Variants in FER1L6 observed in about 807,000 individuals in gnomAD.
FER1L6 encodes fer-1-like protein 6.
FER1L6 carries 177 observed loss-of-function variants against 219.2 expected under a neutral mutation model. The ratio of observed to expected loss-of-function variants is 0.81; its 90% CI spans 0.71 to 0.91. FER1L6 has a LOEUF of 0.91. Among genes scored for constraint, FER1L6 ranks in the 40% least tolerant of loss-of-function variants. The pLI, the probability that FER1L6 is intolerant of heterozygous loss-of-function variation, is 0.00. For synonymous variants in FER1L6, 768 were observed against 824.3 expected, an observed-to-expected ratio of 0.93 and a Z score of 1.17; for missense variants, 2,153 against 2,259.9, an observed-to-expected ratio of 0.95 and a Z score of 0.96.
At chr8:124,062,699 T>C (rs1347890983) in intron 25 of FER1L6, among the ~76,000 whole-genome samples, 1 of 152,200 alleles carries the variant, frequency 6.6e-6, no homozygotes, top group Non-Finnish European at 1.5e-5. Context: ...AACTCCCCTT[T>C]CCATGATCAG....
intron 1 of FER1L6, among the ~76,000 whole-genome samples, chr8:123,883,193 G>T (rs1357288886): frequency 6.6e-6 from 1 of 152,182 alleles, no homozygotes; most frequent in East Asian, 1.9e-4. Flanking sequence ...TCAGAAGGAT[G>T]GGCAAGTGCA....
intron 1 of FER1L6, among the ~76,000 whole-genome samples, chr8:123,879,542 G>T (rs1292563368): frequency 6.6e-6 from 1 of 152,034 alleles, no homozygotes; most frequent in Non-Finnish European, 1.5e-5. Context: ...AGCCAGGATG[G>T]TCTCCGTCTC....
At chr8:123,952,981 A>C (rs576400684) in intron 1 of FER1L6, among the ~76,000 whole-genome samples, 19 of 152,294 alleles carry the variant, frequency 1.2e-4, no homozygotes, top group Non-Finnish European at 2.1e-4. Context: ...CATCTGAGTT[A>C]AGTATCCAAC....
chr8:123,882,008 C>A (rs1379427835), intron 1 of FER1L6, among the ~76,000 whole-genome samples: 4 of 152,216 alleles, frequency 2.6e-5, no homozygotes. Flanking sequence ...TGAACTACTG[C>A]ATTATAATCA....
At position 123,980,595 on chromosome 8, in the gene FER1L6, G is replaced by C. The variant is rs769494146; in HGVS notation, c.1194G>C (p.Leu398Phe). The C allele has an allele frequency of 3.7e-6, 6 of 1,614,088 alleles. No individual in the cohort carries two copies. The South Asian group carries it at 5.5e-5, about 15-fold the overall frequency. ...GEGVSFRGRILVEIAVEILSG... is the reference protein window; with the variant it reads ...GEGVSFRGRIFVEIAVEILSG... ...GTGTGTCATTCAGGGGCAGAATCTT[G>C]GTAGAAATTGCTGTGGAAATCCTCT... Residue 398 changes from leucine (L) to phenylalanine (F), a missense_variant, in exon 11 of 41, where the codon TTG (leucine) becomes TTC (phenylalanine). By Grantham distance (22) the Leu-to-Phe change is conservative. Transcript: ENST00000522917.
At chr8:124,106,174 A>G (rs1586348690) in intron 39 of FER1L6, among the ~76,000 whole-genome samples, 2 of 152,050 alleles carry the variant, frequency 1.3e-5, no homozygotes, top group African/African-American at 4.8e-5. Flanking sequence ...CTAAAAATAC[A>G]AAAAATTAGC....
chr8:124,077,714 G>A (rs1274956427), intron 32 of FER1L6, among the ~76,000 whole-genome samples: 2 of 152,204 alleles, frequency 1.3e-5, no homozygotes, highest in Admixed American at 6.5e-5. Context: ...CATGGCAAAC[G>A]AGAAGAGGAC....
chr8:124,061,949 T>C lies in FER1L6; in HGVS notation c.3245T>C (p.Ile1082Thr). 1.2e-6 allele frequency: 2 copies of C among 1,614,162 alleles called. No homozygotes were observed. Among genetic ancestry groups the C allele is most frequent in the African/African-American group, 1.3e-5 (1 of 75,038 alleles). ...AGTACCCTTGTGGGCACCTACACCA[T>C]CAACTACTTGAAGCAGTTTTTGTGT... Reference protein sequence around the residue: ...GRSTLVGTYTINYLKQFLCKL... With the variant: ...GRSTLVGTYTTNYLKQFLCKL... The change falls in exon 25 of 41, where the codon ATC (isoleucine) becomes ACC (threonine). Residue 1082 changes from isoleucine (I) to threonine (T), a missense_variant. Transcript: ENST00000522917.
At chr8:124,070,917 G>A (rs761416164) in intron 30 of FER1L6, among the ~76,000 whole-genome samples, 1 of 152,084 alleles carries the variant, frequency 6.6e-6, no homozygotes, top group Non-Finnish European at 1.5e-5. Context: ...CCAGTTGGAC[G>A]ATTAAACTAA....
intron 1 of FER1L6, among the ~76,000 whole-genome samples, chr8:123,913,347 T>TTTG: frequency 6.6e-6 from 1 of 152,356 alleles, no homozygotes; most frequent in East Asian, 1.9e-4. Flanking sequence ...CACACACATA[T>TTTG]ATATTTGATA....
intron 15 of FER1L6, among the ~76,000 whole-genome samples, chr8:124,015,616 T>TATATATG (rs1586593989): frequency 7.8e-6 from 1 of 128,604 alleles, no homozygotes. Flanking sequence ...TATATATATA[T>TATATATG]TACTCCTGCT....
chr8:124,093,503 C>T (rs1822139987), intron 34 of FER1L6, among the ~76,000 whole-genome samples: 1 of 151,976 alleles, frequency 6.6e-6, no homozygotes, highest in South Asian at 2.1e-4. Flanking sequence ...AGCCCAGAAA[C>T]CCATTGAAGG....
chr8:123,917,228 G>A (rs1325512386), intron 1 of FER1L6, among the ~76,000 whole-genome samples: 1 of 152,188 alleles, frequency 6.6e-6, no homozygotes, highest in African/African-American at 2.4e-5. Flanking sequence ...AACAGGAAGT[G>A]TTGACTGATG....
intron 1 of FER1L6, among the ~76,000 whole-genome samples, chr8:123,908,664 C>A (rs1248858524): frequency 2.0e-5 from 3 of 152,110 alleles, no homozygotes; most frequent in Non-Finnish European, 4.4e-5. Flanking sequence ...AGTGTGGGAA[C>A]ACACAGATGA....
intron 21 of FER1L6, among the ~76,000 whole-genome samples, chr8:124,048,412 T>G (rs1449195338): frequency 6.6e-6 from 1 of 152,228 alleles, no homozygotes; most frequent in Non-Finnish European, 1.5e-5. Flanking sequence ...CTAGCAGTTC[T>G]TGAGACAAAT....
intron 1 of FER1L6, among the ~76,000 whole-genome samples, chr8:123,936,090 G>A (rs1298478669): frequency 6.6e-6 from 1 of 152,188 alleles, no homozygotes; most frequent in Non-Finnish European, 1.5e-5. Flanking sequence ...GAATAAGCCT[G>A]CGTATTAGGA....
At chr8:124,109,942 A>T (rs1453972877) in intron 39 of FER1L6, among the ~76,000 whole-genome samples, 1 of 152,206 alleles carries the variant, frequency 6.6e-6, no homozygotes, top group African/African-American at 2.4e-5. Context: ...GTCAGACCAC[A>T]CGTGACAATA....
chr8:124,044,212 T>C (rs184425553), intron 20 of FER1L6, among the ~76,000 whole-genome samples: 1 of 152,310 alleles, frequency 6.6e-6, no homozygotes, highest in Non-Finnish European at 1.5e-5. Flanking sequence ...AAAACACGGT[T>C]CTTTGTGATG....
rs193262517 is a variant in FER1L6 at position 124,027,816 on chromosome 8, C to T, written c.2286+4220C>T. 3.9e-4 allele frequency among the ~76,000 whole-genome samples: 60 copies of T among 152,266 alleles called. No homozygotes were observed. The East Asian group carries it at 0.011, about 29-fold the overall frequency. On this transcript the variant is annotated intron_variant, in intron 18 of 40. Coordinates refer to ENST00000522917, the MANE Select transcript of FER1L6 (RefSeq NM_001039112.2). ...CAAGTGATTCCTCTGCCTTCCTTGG[C>T]CTCCCAAAGCACTGAGATTACAGAC...
Sources: allele counts gnomAD v4.1 joint callset (sites outside exome capture counted in the v4.1 genomes callset), GRCh38; gene constraint gnomAD v4.1.1; transcripts MANE v1.5; gene names NCBI Gene and HGNC (gene_info 2026-07-23, HGNC 2026-07-21).